The following SLC22A4 variants were observed in gnomAD, a reference collection of about 807,000 sequenced individuals.
SLC22A4 encodes the protein solute carrier family 22 member 4, also known as ET transporter.
A neutral mutation model predicts 56.6 loss-of-function variants in SLC22A4; 39 were observed. The observed-to-expected ratio is 0.69, with a 90% CI of 0.53 to 0.90. The LOEUF is 0.90. Ranked by LOEUF, SLC22A4 falls within the 40% of genes least tolerant of loss-of-function variation. The pLI is 0.00. For synonymous variants in SLC22A4, 241 were observed against 281.4 expected (o/e 0.86, Z 1.44); for missense variants, 594 against 696.5 (o/e 0.85, Z 1.66).
rs1484495832 is a variant in SLC22A4, at chr5:132,334,922, G to A, written c.1251G>A (p.Leu417=). 1.2e-6 allele frequency: 2 copies of A among 1,609,202 alleles called. No individual in the cohort carries two copies. The highest frequency in any genetic ancestry group is 2.7e-5 in the African/African-American group (2 of 74,780). ...GAGGTGTGCTTCTCTTCATTCAACTGGTACCTGTGGGTAAGAAGTTAACCA... is the reference window on the plus strand; with the variant it reads ...GAGGTGTGCTTCTCTTCATTCAACTAGTACCTGTGGGTAAGAAGTTAACCA... ...WGGGVLLFIQ[L]VPVDYYFLSI... is the part of the protein sequence containing the mutation. Residue 417 remains leucine, a synonymous_variant, in exon 7 of 10, where the codon CTG becomes CTA. Transcript: ENST00000200652.
At chr5:132,322,952 G>A (rs2126723622) in intron 4 of SLC22A4, among the ~76,000 whole-genome samples, 1 of 152,324 alleles carries the variant, frequency 6.6e-6, no homozygotes, top group South Asian at 2.1e-4. Context: ...TCTGGCCTCA[G>A]TCTTGCCCAA....
intron 3 of SLC22A4, among the ~76,000 whole-genome samples, chr5:132,316,452 A>G (rs1306421427): frequency 6.6e-6 from 1 of 152,176 alleles, no homozygotes; most frequent in Non-Finnish European, 1.5e-5. Flanking sequence ...CCCAGAAATA[A>G]TGCCCTCCAC....
chr5:132,334,494 T>C (rs1181095800), intron 6 of SLC22A4, among the ~76,000 whole-genome samples: 6 of 152,240 alleles, frequency 3.9e-5, no homozygotes, highest in Non-Finnish European at 8.8e-5. Context: ...TCGTTCAATA[T>C]AGTAGCCACT....
chr5:132,334,799 C>T lies in SLC22A4; in HGVS notation c.1128C>T (p.Leu376=), dbSNP rs1750970970. The change falls in exon 7 of 10, where the codon CTC becomes CTT. Residue 376 remains leucine (L), a synonymous_variant. Coordinates refer to ENST00000200652, the MANE Select transcript of SLC22A4 (RefSeq NM_003059.3). ...GAGATGCCTACCTGAACTGTTTCCT[C>T]TCTGCCTTGATTGAAATTCCAGCTT... ...LHGDAYLNCF[L]SALIEIPAYI... The T allele has an allele frequency of 3.7e-6, 6 of 1,614,080 alleles. No individual in the cohort carries two copies. The East Asian group carries it at 6.7e-5, about 18-fold the overall frequency.
intron 2 of SLC22A4, among the ~76,000 whole-genome samples, chr5:132,312,801 G>A (rs1276754605): frequency 6.6e-6 from 1 of 152,218 alleles, no homozygotes; most frequent in Admixed American, 6.5e-5. Flanking sequence ...CCAGGAGACA[G>A]TATTCCACAG....
chr5:132,295,115 C>T (rs1317443125), intron 1 of SLC22A4, 106 bp downstream of exon 1: 12 of 1,250,402 alleles, frequency 9.6e-6, no homozygotes, highest in South Asian at 3.9e-5. Flanking sequence ...CTCCCCTCCC[C>T]CTCAAACCTG....
intron 1 of SLC22A4, among the ~76,000 whole-genome samples, chr5:132,299,511 C>A (rs1580818200): frequency 6.6e-6 from 1 of 152,100 alleles, no homozygotes; most frequent in East Asian, 1.9e-4. Context: ...CTCACTGCAA[C>A]CTCTGCCTCC....
rs188068764 is a variant in SLC22A4, at chr5:132,335,710, A to T, written c.1262-108A>T. ...AAAATGCTATTTTGGGAATATATTTATGTTAATAAAAGTACTCCCACTGAA... is the reference window on the plus strand; with the variant it reads ...AAAATGCTATTTTGGGAATATATTTTTGTTAATAAAAGTACTCCCACTGAA... On this transcript the variant is annotated intron_variant, in intron 7 of 9. Coordinates refer to ENST00000200652, the MANE Select transcript of SLC22A4 (RefSeq NM_003059.3). The T allele has an allele frequency of 2.6e-5, 24 of 909,264 alleles. No individual in the cohort carries two copies. The Admixed American group carries it at 4.0e-4, about 15-fold the overall frequency. The allele number at this position is 909,264 out of a possible 1,614,324, so 56.3% of individuals were successfully genotyped here. A position where few individuals can be genotyped will look rare whatever the true frequency, so the allele number is the denominator to read the frequency against.
chr5:132,322,417 T>C, intron 4 of SLC22A4, 62 bp downstream of exon 4: 1 of 1,499,426 alleles, frequency 6.7e-7, no homozygotes, highest in Non-Finnish European at 9.3e-7. Flanking sequence ...GGAACACACC[T>C]GGAGCCTGAT....
In SLC22A4 at chr5:132,335,914, C is replaced by T; in HGVS notation, c.1358C>T (p.Pro453Leu). ...TATGTCTTCACTGCTGAGCTCTACC[C>T]AACCCTGGTCAGGAACATGGCGGTG... ...MLYVFTAELYPTLVRNMAVGV... is the reference protein window; with the variant it reads ...MLYVFTAELYLTLVRNMAVGV... The change falls in exon 8 of 10, where the codon CCA (proline) becomes CTA (leucine). Residue 453 changes from proline (P) to leucine (L), a missense_variant. Physicochemically the swap from Pro to Leu is moderately conservative, Grantham distance 98. Coordinates refer to ENST00000200652, the MANE Select transcript of SLC22A4 (RefSeq NM_003059.3). The T allele has an allele frequency of 6.2e-7, 1 of 1,614,174 alleles. No homozygotes were observed. The highest frequency in any genetic ancestry group is 8.5e-7 in the Non-Finnish European group (1 of 1,180,004).
chr5:132,295,087 G>T, intron 1 of SLC22A4, 78 bp downstream of exon 1: 1 of 1,474,384 alleles, frequency 6.8e-7, no homozygotes, highest in Non-Finnish European at 9.3e-7. Context: ...GACTCCCTGC[G>T]CAGTGCCCGG....
rs559232120 is a variant in SLC22A4 at position 132,338,699 on chromosome 5, G to A, written c.1445-1866G>A. 2.4e-4 allele frequency among the ~76,000 whole-genome samples: 37 copies of A among 152,350 alleles called. No individual in the cohort carries two copies. The South Asian group carries it at 7.2e-3, about 30-fold the overall frequency. The stretch of plus-strand genomic sequence containing the variant: ...ATATTTCTCCCATTTACTTTTGAAA[G>A]AAGAGAAATATGGCTCTGTTCTGCC... On this transcript the variant is annotated intron_variant, in intron 8 of 9. Transcript: ENST00000200652.
At chr5:132,311,892 C>G in intron 1 of SLC22A4, 1 of 536,792 alleles carries the variant, frequency 1.9e-6, no homozygotes, top group Non-Finnish European at 3.4e-6. Flanking sequence ...CTATGTAATG[C>G]GAGCGGAGTA....
intron 1 of SLC22A4, among the ~76,000 whole-genome samples, chr5:132,299,623 T>G (rs572094067): frequency 1.5e-4 from 22 of 148,378 alleles, no homozygotes; most frequent in Non-Finnish European, 2.1e-4. Context: ...TTGTTTGTTT[T>G]TTGTATTTTT....
At chr5:132,340,301 T>C (rs190980153) in intron 8 of SLC22A4, among the ~76,000 whole-genome samples, 1 of 152,094 alleles carries the variant, frequency 6.6e-6, no homozygotes, top group Non-Finnish European at 1.5e-5. Flanking sequence ...AAGGAACATC[T>C]GTCACACATG....
chr5:132,343,673 A>G, intron 9 of SLC22A4, 87 bp from the exon 10 acceptor site: 2 of 809,442 alleles, frequency 2.5e-6, no homozygotes, highest in Non-Finnish European at 4.2e-6. Flanking sequence ...GATTGGAGAA[A>G]TATTTTTCAA....
At chr5:132,312,024 C>T (rs533581980) in intron 1 of SLC22A4, 137 bp from the exon 2 acceptor site, 1 of 767,740 alleles carries the variant, frequency 1.3e-6, no homozygotes, top group Admixed American at 1.7e-5. Flanking sequence ...AGGCCTATGC[C>T]CTTTGTACAA....
Position 132,294,400 on chromosome 5 carries a change from A to T in SLC22A4, c.-217A>T. 1.6e-6 allele frequency: 1 copy of T among 633,940 alleles called. No individual in the cohort carries two copies. Among genetic ancestry groups the T allele is most frequent in the Non-Finnish European group, 2.8e-6 (1 of 361,160 alleles). 39.3% of individuals were successfully genotyped at this position (633,940 alleles called of 1,614,324 possible). On this transcript the variant is annotated 5_prime_UTR_variant, in exon 1 of 10. Transcript: ENST00000200652. The surrounding 1 kb of genome is among the most constrained non-coding windows in gnomAD (Gnocchi z 5.6). ...GGGATGGGGGTGTGGTCCCAAGTGT[A>T]CAGTGGCATCAAGCTCAGCGCGAGC...
intron 9 of SLC22A4, among the ~76,000 whole-genome samples, chr5:132,340,946 T>C (rs1229694949): frequency 6.6e-6 from 1 of 151,762 alleles, no homozygotes; most frequent in Non-Finnish European, 1.5e-5. Flanking sequence ...TGAAACCTCA[T>C]CTTTACTAAA....
Sources: gnomAD v4.1 joint callset for allele counts (sites outside exome capture counted in the v4.1 genomes callset) on GRCh38, gnomAD v4.1.1 for gene constraint, Gnocchi (gnomAD v3.1) non-coding constraint, MANE v1.5 for transcripts, NCBI Gene and HGNC (gene_info 2026-07-23, HGNC 2026-07-21) for gene names.